The following TNRC6A variants were observed in gnomAD, a reference collection of about 807,000 sequenced individuals.
The protein encoded by TNRC6A is trinucleotide repeat-containing gene 6A protein.
Under a neutral mutation model 221.2 loss-of-function variants are expected in TNRC6A, and 44 were observed. That is an observed-to-expected ratio of 0.20 (90% CI 0.16 to 0.26). The LOEUF (loss-of-function observed/expected upper bound fraction) is 0.26. TNRC6A is among the 10% of genes least tolerant of loss of function. The pLI, the probability that TNRC6A is intolerant of heterozygous loss-of-function variation, is 1.00. For missense variants in TNRC6A, 2,199 were observed against 2,404.4 expected (o/e 0.91, Z 1.79); for synonymous variants, 847 against 838.5 (o/e 1.01, Z -0.18).
At chr16:24,777,472 TAA>T (rs2057750798) in intron 5 of TNRC6A, 114 bp downstream of exon 5, 10 of 1,026,264 alleles carry the variant, frequency 9.7e-6, no homozygotes, top group Non-Finnish European at 1.4e-5. Flanking sequence ...ATGTGGGCTT[TAA>T]TGTAAGAGTT....
intron 2 of TNRC6A, among the ~76,000 whole-genome samples, chr16:24,709,524 TA>T (rs1431607724): frequency 6.6e-6 from 1 of 151,962 alleles, no homozygotes; most frequent in African/African-American, 2.4e-5. Flanking sequence ...TGAGGAAAAA[TA>T]AATAAAATGT....
chr16:24,625,729 T>C (rs1354647777), intron 1 of TNRC6A, among the ~76,000 whole-genome samples: 12 of 62,514 alleles, frequency 1.9e-4, no homozygotes, highest in African/African-American at 1.4e-3. Context: ...CGAGACTCCG[T>C]CTCAAAACAA....
intron 1 of TNRC6A, among the ~76,000 whole-genome samples, chr16:24,640,709 A>AC (rs756162824): frequency 1.0e-4 from 13 of 128,940 alleles, no homozygotes; most frequent in Non-Finnish European, 1.9e-4. Context: ...GGCCTGGGCG[A>AC]CAAAAAAAAA....
At chr16:24,741,936 A>G (rs527931580) in intron 2 of TNRC6A, among the ~76,000 whole-genome samples, 4 of 152,276 alleles carry the variant, frequency 2.6e-5, no homozygotes, top group African/African-American at 9.6e-5. Flanking sequence ...TCTTGGGCTC[A>G]GGTGATCCTC....
At chr16:24,809,907 G>A (rs2058509188) in intron 18 of TNRC6A, among the ~76,000 whole-genome samples, 1 of 152,142 alleles carries the variant, frequency 6.6e-6, no homozygotes. Context: ...TCTGCTCCCG[G>A]GTTCAAGCAG....
At chr16:24,615,497 C>T (rs1900295922) in intron 1 of TNRC6A, among the ~76,000 whole-genome samples, 1 of 152,106 alleles carries the variant, frequency 6.6e-6, no homozygotes, top group Non-Finnish European at 1.5e-5. Flanking sequence ...GGCTGCCCAC[C>T]ATTTAGAAAT....
At chr16:24,767,322 T>C (rs1158625035) in intron 4 of TNRC6A, among the ~76,000 whole-genome samples, 1 of 152,232 alleles carries the variant, frequency 6.6e-6, no homozygotes, top group Non-Finnish European at 1.5e-5. Flanking sequence ...CTCTAGTGTG[T>C]TGAATGCTTC....
chr16:24,806,800 G>A lies in TNRC6A; in HGVS notation c.4540+16G>A, dbSNP rs1432655624. 6.2e-7 allele frequency: 1 copy of A among 1,613,284 alleles called. No homozygotes were observed. Among genetic ancestry groups the A allele is most frequent in the African/African-American group, 1.3e-5 (1 of 74,982 alleles). On this transcript the variant is annotated intron_variant, in intron 17 of 24. Transcript: ENST00000395799. ...TTCCCTATAGGTGGGTTTCTCCTTG[G>A]CCCAAGTATTGGACTGATGCTTAGG...
Position 24,824,630 on chromosome 16 carries a change from C to CA in TNRC6A, c.*833dup, listed in dbSNP as rs35671423. The CA allele has an allele frequency of 0.01, 1,511 of 145,664 alleles. 12 individuals carry two copies. Among genetic ancestry groups the CA allele is most frequent in the Middle Eastern group, 0.042 (12 of 288 alleles). 9.0% of individuals were successfully genotyped at this position (145,664 alleles called of 1,614,324 possible). A position where few individuals can be genotyped will look rare whatever the true frequency, so the allele number is the denominator to read the frequency against. On this transcript the variant is annotated 3_prime_UTR_variant, in exon 25 of 25. Transcript: ENST00000395799. ...CATCATTTAAAAAAAATGTAAAAGA[C>CA]AAAAAAAAAATGGAGGATGATTTAA...
chr16:24,770,191 C>T (rs895451822), intron 4 of TNRC6A, among the ~76,000 whole-genome samples: 5 of 152,022 alleles, frequency 3.3e-5, no homozygotes, highest in African/African-American at 7.3e-5. Context: ...GAACGTGATA[C>T]GTTTTGGGGA....
At chr16:24,817,748 C>T (rs745572979) in intron 20 of TNRC6A, among the ~76,000 whole-genome samples, 15 of 152,060 alleles carry the variant, frequency 9.9e-5, no homozygotes, top group Non-Finnish European at 1.5e-4. Context: ...CACCATGTTG[C>T]GTTAGACGTG....
chr16:24,802,964 G>C (rs919298090), intron 11 of TNRC6A, among the ~76,000 whole-genome samples: 18 of 152,284 alleles, frequency 1.2e-4, no homozygotes, highest in African/African-American at 4.3e-4. Context: ...AAGTTTCCAG[G>C]AGAGAAGATC....
chr16:24,769,830 C>A (rs2057552941), intron 4 of TNRC6A, among the ~76,000 whole-genome samples: 1 of 152,076 alleles, frequency 6.6e-6, no homozygotes, highest in Non-Finnish European at 1.5e-5. Context: ...GTGTTTAATC[C>A]TCAGTATTGT....
intron 1 of TNRC6A, among the ~76,000 whole-genome samples, chr16:24,620,391 C>T (rs571728281): frequency 2.0e-5 from 3 of 152,222 alleles, no homozygotes; most frequent in African/African-American, 7.2e-5. Flanking sequence ...TTGGTAGTGT[C>T]GTTATAATGC....
At chr16:24,631,764 T>C (rs1901352217) in intron 1 of TNRC6A, among the ~76,000 whole-genome samples, 1 of 133,174 alleles carries the variant, frequency 7.5e-6, no homozygotes, top group Non-Finnish European at 1.6e-5. Context: ...AGAGCAAGAT[T>C]CCACCTCAAA....
At chr16:24,769,258 T>A (rs953274583) in intron 4 of TNRC6A, among the ~76,000 whole-genome samples, 7 of 152,208 alleles carry the variant, frequency 4.6e-5, no homozygotes, top group African/African-American at 7.2e-5. Context: ...TTAGCAAAAA[T>A]TAATTTATTT....
chr16:24,722,515 A>G (rs1486749888), intron 2 of TNRC6A, among the ~76,000 whole-genome samples: 4 of 152,064 alleles, frequency 2.6e-5, no homozygotes, highest in African/African-American at 9.6e-5. Flanking sequence ...GGCTCACTGT[A>G]ACCTCCACTC....
chr16:24,730,216 T>C (rs1226146235), intron 1 of TNRC6A, 37 bp from the exon 2 acceptor site: 1 of 1,484,208 alleles, frequency 6.7e-7, no homozygotes, highest in Non-Finnish European at 9.0e-7. Flanking sequence ...TGTGTGTGTG[T>C]TTTTGTTTTG....
intron 5 of TNRC6A, among the ~76,000 whole-genome samples, chr16:24,779,177 A>G (rs1357973368): frequency 6.6e-6 from 1 of 152,150 alleles, no homozygotes; most frequent in Non-Finnish European, 1.5e-5. Flanking sequence ...GAAGCTTTCA[A>G]AAAATGTCTG....
Sources: gnomAD v4.1 joint callset for allele counts (sites outside exome capture counted in the v4.1 genomes callset) on GRCh38, gnomAD v4.1.1 for gene constraint, MANE v1.5 for transcripts, NCBI Gene and HGNC (gene_info 2026-07-23, HGNC 2026-07-21) for gene names.